CTIF: variants seen among roughly 807,000 people sequenced by gnomAD.
CTIF encodes the protein cap binding complex dependent translation initiation factor.
In CTIF, 21 loss-of-function variants were observed where a neutral mutation model predicts 66.0. The ratio of observed to expected loss-of-function variants is 0.32; its 90% confidence interval spans 0.23 to 0.46. The LOEUF (loss-of-function observed/expected upper bound fraction) is 0.46, where lower values mean the gene tolerates loss of function less well. Among genes scored for constraint, CTIF ranks in the 20% least tolerant of loss-of-function variants. The pLI, the probability that CTIF is intolerant of heterozygous loss-of-function variation, is 1.00. For missense variants in CTIF, 739 were observed against 812.7 expected (o/e 0.91, Z 1.10); for synonymous variants, 345 against 326.4 (o/e 1.06, Z -0.62).
chr18:48,547,169 C>T (rs1158747350), intron 1 of CTIF, among the ~76,000 whole-genome samples: 1 of 152,154 alleles, frequency 6.6e-6, no homozygotes, highest in Non-Finnish European at 1.5e-5. Flanking sequence ...TTGGAGACAG[C>T]TGCACAACTC....
intron 9 of CTIF, among the ~76,000 whole-genome samples, chr18:48,776,376 C>T (rs1450833697): frequency 9.4e-6 from 1 of 106,234 alleles, no homozygotes; most frequent in East Asian, 2.1e-4. Context: ...AGCATGATGC[C>T]ACCCCCAGGA....
chr18:48,835,545 T>C (rs2068789971), intron 10 of CTIF, among the ~76,000 whole-genome samples: 1 of 152,058 alleles, frequency 6.6e-6, no homozygotes, highest in African/African-American at 2.4e-5. Flanking sequence ...TTCATCGAGA[T>C]CCTCAAAGGG....
chr18:48,581,654 G>A (rs559909213), intron 1 of CTIF, among the ~76,000 whole-genome samples: 4 of 152,178 alleles, frequency 2.6e-5, no homozygotes, highest in Admixed American at 6.5e-5. Context: ...GGGTCGGGCA[G>A]CCAGTGACCC....
At chr18:48,694,856 A>T (rs958654107) in intron 6 of CTIF, among the ~76,000 whole-genome samples, 2 of 152,260 alleles carry the variant, frequency 1.3e-5, no homozygotes, top group African/African-American at 4.8e-5. Context: ...AACAGGACTT[A>T]CAATTTCCTA....
At chr18:48,566,739 G>A (rs909724308) in intron 1 of CTIF, 5 of 151,974 alleles carry the variant, frequency 3.3e-5, no homozygotes, top group African/African-American at 4.8e-5. Context: ...GTTCCCATTT[G>A]TTGTCTCATG....
rs368877112 is a variant in CTIF, at chr18:48,761,601, C to G, written c.1283C>G (p.Ala428Gly). 6.2e-7 allele frequency: 1 copy of G among 1,614,220 alleles called. No individual in the cohort carries two copies. Among genetic ancestry groups the G allele is most frequent in the East Asian group, 2.2e-5 (1 of 44,886 alleles). The change falls in exon 9 of 12, where the codon GCC becomes GGC. Residue 428 changes from alanine to glycine, a missense_variant. Around this residue, in one of 2 missense-constraint regions of CTIF, gnomAD observed 210 missense variants for 292.3 expected, o/e 0.72. Transcript: ENST00000256413. This position sits in a 1 kb window ranked among gnomAD's most constrained non-coding sequence, Gnocchi z 4.2. ...AAGGCTGTGTCCGACCGCAGCTTCG[C>G]CTTCACCGCTGCCAAGCTCTGCGAC... ...YQKAVSDRSF[A>G]FTAAKLCDKM... is the part of the protein sequence containing the mutation.
intron 7 of CTIF, among the ~76,000 whole-genome samples, chr18:48,733,189 T>G (rs2092470856): frequency 6.6e-6 from 1 of 151,978 alleles, no homozygotes; most frequent in Non-Finnish European, 1.5e-5. Flanking sequence ...GTCACTAACT[T>G]TTTCAAGTTT....
chr18:48,602,666 T>G (rs1238939798), intron 1 of CTIF, among the ~76,000 whole-genome samples: 1 of 152,252 alleles, frequency 6.6e-6, no homozygotes, highest in Non-Finnish European at 1.5e-5. Flanking sequence ...GCTGCTTCTC[T>G]GGGCCCCTGT....
At chr18:48,654,365 A>G (rs1038967619) in intron 3 of CTIF, among the ~76,000 whole-genome samples, 2 of 152,258 alleles carry the variant, frequency 1.3e-5, no homozygotes, top group African/African-American at 4.8e-5. Context: ...CAAAAGACAC[A>G]TGAAAAAATG....
intron 9 of CTIF, among the ~76,000 whole-genome samples, chr18:48,778,799 C>G (rs1910936394): frequency 6.6e-6 from 1 of 152,210 alleles, no homozygotes; most frequent in Admixed American, 6.5e-5. Context: ...AACCCCAGAA[C>G]TGGAGGCGTT....
At chr18:48,621,409 G>C (rs2090491196) in intron 2 of CTIF, 1 of 227,932 alleles carries the variant, frequency 4.4e-6, no homozygotes, top group Non-Finnish European at 8.8e-6. Flanking sequence ...TGCTGGAGCA[G>C]AGGATGAGGG....
At position 48,572,022 on chromosome 18, in the gene CTIF, T is replaced by C. The variant is rs549313837; in HGVS notation, c.-29+32710T>C. Among the ~76,000 whole-genome samples the C allele has an allele frequency of 2.6e-5, 4 of 152,310 alleles. No homozygotes were observed. In the East Asian group the frequency reaches 5.8e-4, roughly 22 times the overall value. On this transcript the variant is annotated intron_variant, in intron 1 of 11. Coordinates refer to ENST00000256413, the MANE Select transcript of CTIF (RefSeq NM_014772.3). ...AGGCAGAATTTTTATGTTGTAGTCT[T>C]AAGCCAGAATTATTTCTTCCTTCTC...
chr18:48,706,420 G>T (rs2092155203), intron 6 of CTIF, among the ~76,000 whole-genome samples: 1 of 152,110 alleles, frequency 6.6e-6, no homozygotes, highest in African/African-American at 2.4e-5. Context: ...GTGTCAGCTG[G>T]TCACAGAGCC....
chr18:48,800,661 G>GCAGA (rs1177223060), intron 9 of CTIF, among the ~76,000 whole-genome samples: 6 of 152,198 alleles, frequency 3.9e-5, no homozygotes, highest in Non-Finnish European at 8.8e-5. Flanking sequence ...ATCTGCGGAG[G>GCAGA]TGCTCCCCTG....
At chr18:48,776,605 C>G (rs4329974) in intron 9 of CTIF, among the ~76,000 whole-genome samples, 105,489 of 152,280 alleles carry the variant, frequency 0.69, 36,900 homozygotes, top group African/African-American at 0.81. Context: ...GGCACTGGGT[C>G]GGGTGTGGTC....
Position 48,863,070 on chromosome 18 carries a change from C to G in CTIF, c.*3511C>G, listed in dbSNP as rs988282247. ...GGAGTGGACGACAGGACCTACCTCC[C>G]CAGAGCAAGGGCCTGGGGCTTCCCG... On this transcript the variant is annotated 3_prime_UTR_variant, in exon 12 of 12. Transcript: ENST00000256413. 1 of 152,276 alleles carries G rather than the reference C, an allele frequency of 6.6e-6. No homozygotes were observed. Among genetic ancestry groups the G allele is most frequent in the Non-Finnish European group, 1.5e-5 (1 of 68,064 alleles). The allele number at this position is 152,276 out of a possible 1,614,324, so 9.4% of individuals were successfully genotyped here. A position where few individuals can be genotyped will look rare whatever the true frequency, so the allele number is the denominator to read the frequency against.
intron 6 of CTIF, among the ~76,000 whole-genome samples, chr18:48,690,244 C>T (rs910033383): frequency 1.3e-5 from 2 of 152,156 alleles, no homozygotes; most frequent in Non-Finnish European, 2.9e-5. Flanking sequence ...CTTCCATCCA[C>T]TATGGCTTCC....
At chr18:48,700,075 A>G (rs1343554158) in intron 6 of CTIF, among the ~76,000 whole-genome samples, 2 of 152,182 alleles carry the variant, frequency 1.3e-5, no homozygotes, top group Admixed American at 6.5e-5. Context: ...TTCACTTTGA[A>G]TTATAATAAT....
intron 5 of CTIF, among the ~76,000 whole-genome samples, chr18:48,669,797 A>ATT (rs1216766354): frequency 1.1e-3 from 55 of 48,884 alleles, no homozygotes; most frequent in African/African-American, 5.4e-3. Context: ...AAACATTTAT[A>ATT]TATATATATA....
Sources: gnomAD v4.1 joint callset for allele counts (sites outside exome capture counted in the v4.1 genomes callset) on GRCh38, gnomAD v4.1.1 for gene constraint, gnomAD v4.1.1 regional missense constraint, Gnocchi (gnomAD v3.1) non-coding constraint, MANE v1.5 for transcripts, NCBI Gene and HGNC (gene_info 2026-07-23, HGNC 2026-07-21) for gene names.